Variants in FBXL7 observed in about 807,000 individuals in gnomAD.
The protein encoded by FBXL7 is F-box/LRR-repeat protein 7.
In FBXL7, 12 loss-of-function variants were observed where a neutral mutation model predicts 38.3. The observed-to-expected ratio is 0.31, with a 90% CI of 0.20 to 0.51. FBXL7 has a LOEUF of 0.51. FBXL7 is among the 20% of genes least tolerant of loss of function. FBXL7 has a pLI of 0.98. For synonymous variants in FBXL7, 297 were observed against 300.9 expected, an observed-to-expected ratio of 0.99 and a Z score of 0.13; for missense variants, 567 against 676.4, an observed-to-expected ratio of 0.84 and a Z score of 1.79.
At chr5:15,706,319 T>C (rs1398849913) in intron 2 of FBXL7, among the ~76,000 whole-genome samples, 1 of 152,180 alleles carries the variant, frequency 6.6e-6, no homozygotes, top group Non-Finnish European at 1.5e-5. Flanking sequence ...TCTCTCTTGC[T>C]CCCACTTTTG....
intron 2 of FBXL7, among the ~76,000 whole-genome samples, chr5:15,865,089 C>G (rs1315252916): frequency 6.6e-6 from 1 of 152,164 alleles, no homozygotes; most frequent in Non-Finnish European, 1.5e-5. Flanking sequence ...CCATTTTAAA[C>G]TTAAGTGGTC....
intron 2 of FBXL7, among the ~76,000 whole-genome samples, chr5:15,912,394 G>GC (rs1344787131): frequency 7.1e-6 from 1 of 140,710 alleles, no homozygotes; most frequent in Admixed American, 7.1e-5. Context: ...CGCGCACGGT[G>GC]CGCACACACA....
chr5:15,628,267 A>C (rs1740882184), intron 2 of FBXL7, among the ~76,000 whole-genome samples: 1 of 152,210 alleles, frequency 6.6e-6, no homozygotes, highest in Non-Finnish European at 1.5e-5. Flanking sequence ...GATGTGGGCT[A>C]TAGAAAACCA....
At chr5:15,704,478 A>G (rs962920648) in intron 2 of FBXL7, among the ~76,000 whole-genome samples, 1 of 152,214 alleles carries the variant, frequency 6.6e-6, no homozygotes, top group Non-Finnish European at 1.5e-5. Flanking sequence ...GAACTTTACC[A>G]TTCAACTTAG....
At chr5:15,571,509 A>G (rs958474687) in intron 1 of FBXL7, among the ~76,000 whole-genome samples, 1 of 152,184 alleles carries the variant, frequency 6.6e-6, no homozygotes, top group Non-Finnish European at 1.5e-5. Context: ...CTCTTTACAA[A>G]TGTGTAAACT....
chr5:15,830,232 C>A (rs947620866), intron 2 of FBXL7, among the ~76,000 whole-genome samples: 7 of 152,170 alleles, frequency 4.6e-5, no homozygotes, highest in Middle Eastern at 3.4e-3. Context: ...ACCTGTAACC[C>A]CAGCACTTTG....
chr5:15,538,577 T>C (rs1263669118), intron 1 of FBXL7, among the ~76,000 whole-genome samples: 1 of 152,216 alleles, frequency 6.6e-6, no homozygotes, highest in Non-Finnish European at 1.5e-5. Context: ...TAAGTTGACA[T>C]TGGAAATCAA....
In FBXL7 at chr5:15,938,787, C is replaced by T. The variant is rs2126479036; in HGVS notation, c.*1601C>T. On this transcript the variant is annotated 3_prime_UTR_variant, in exon 4 of 4. Transcript: ENST00000504595. The stretch of plus-strand genomic sequence containing the variant: ...ATTTGGATAGAAGTCTATATTCTAG[C>T]CTCATTTGCATGAAGTCAGATAGCC... The T allele has an allele frequency of 2.6e-6, 1 of 391,996 alleles. No homozygotes were observed. Among genetic ancestry groups the T allele is most frequent in the African/African-American group, 2.1e-5 (1 of 48,628 alleles). 24.3% of individuals were successfully genotyped at this position (391,996 alleles called of 1,614,324 possible).
intron 2 of FBXL7, among the ~76,000 whole-genome samples, chr5:15,854,184 A>G (rs184646691): frequency 1.4e-3 from 208 of 152,300 alleles, no homozygotes; most frequent in Non-Finnish European, 1.4e-3. Flanking sequence ...ATAAACAACC[A>G]TCTGTTAGTA....
At chr5:15,753,360 C>T (rs1736205274) in intron 2 of FBXL7, among the ~76,000 whole-genome samples, 1 of 152,152 alleles carries the variant, frequency 6.6e-6, no homozygotes, top group Non-Finnish European at 1.5e-5. Flanking sequence ...TTTAGATGAT[C>T]TACATTTTTA....
intron 2 of FBXL7, among the ~76,000 whole-genome samples, chr5:15,722,897 T>C (rs1744238852): frequency 7.0e-6 from 1 of 142,358 alleles, no homozygotes; most frequent in South Asian, 2.2e-4. Context: ...CACTCCAGCC[T>C]GCTGACAGAG....
intron 2 of FBXL7, among the ~76,000 whole-genome samples, chr5:15,656,557 C>T (rs934485298): frequency 6.6e-6 from 1 of 152,028 alleles, no homozygotes; most frequent in African/African-American, 2.4e-5. Flanking sequence ...TGGAAACTGC[C>T]CCCATGATTC....
chr5:15,578,640 A>T (rs1215433047), intron 1 of FBXL7, among the ~76,000 whole-genome samples: 1 of 152,194 alleles, frequency 6.6e-6, no homozygotes, highest in Non-Finnish European at 1.5e-5. Flanking sequence ...TGATGCTACA[A>T]GGGATCCAAA....
chr5:15,725,824 G>A (rs1744331844), intron 2 of FBXL7, among the ~76,000 whole-genome samples: 4 of 152,112 alleles, frequency 2.6e-5, no homozygotes, highest in Admixed American at 2.6e-4. Flanking sequence ...TTTTAGTAGA[G>A]ACAGGGTTTC....
intron 1 of FBXL7, among the ~76,000 whole-genome samples, chr5:15,581,441 C>T (rs568427926): frequency 6.6e-6 from 1 of 152,262 alleles, no homozygotes; most frequent in South Asian, 2.1e-4. Flanking sequence ...TACAGTGCTA[C>T]TAATGTTGGC....
At position 15,753,306 on chromosome 5, in the gene FBXL7, C is replaced by G. The variant is rs185522319; in HGVS notation, c.127+137234C>G. ...TTTTGGCAAATGAATAATCAGCTAT[C>G]CAAATTGGCTCAAGGACGATCAAGG... On this transcript the variant is annotated intron_variant, in intron 2 of 3. Coordinates refer to ENST00000504595, the MANE Select transcript of FBXL7 (RefSeq NM_012304.5). 1.1e-4 allele frequency among the ~76,000 whole-genome samples: 16 copies of G among 152,252 alleles called. No homozygotes were observed. In the East Asian group the frequency reaches 3.1e-3, roughly 29 times the overall value.
At chr5:15,861,519 C>A (rs1473773065) in intron 2 of FBXL7, among the ~76,000 whole-genome samples, 1 of 152,208 alleles carries the variant, frequency 6.6e-6, no homozygotes, top group Non-Finnish European at 1.5e-5. Flanking sequence ...TGGGAAACTA[C>A]ACTGTACTTG....
chr5:15,630,855 T>G (rs1740973537), intron 2 of FBXL7, among the ~76,000 whole-genome samples: 5 of 72,588 alleles, frequency 6.9e-5, no homozygotes, highest in Admixed American at 3.8e-4. Flanking sequence ...ATTTTGAGAT[T>G]TTTTTTTTTG....
At chr5:15,903,374 C>T (rs1423576433) in intron 2 of FBXL7, among the ~76,000 whole-genome samples, 1 of 152,158 alleles carries the variant, frequency 6.6e-6, no homozygotes, top group African/African-American at 2.4e-5. Flanking sequence ...TCCAGAAAGA[C>T]CAGCACCCTC....
Sources: allele counts gnomAD v4.1 joint callset (sites outside exome capture counted in the v4.1 genomes callset), GRCh38; gene constraint gnomAD v4.1.1; transcripts MANE v1.5; gene names NCBI Gene and HGNC (gene_info 2026-07-23, HGNC 2026-07-21).